The following CCDC85A variants were observed in gnomAD, a reference collection of about 807,000 sequenced individuals.
CCDC85A encodes the protein coiled-coil domain containing 85A.
A neutral mutation model predicts 50.2 loss-of-function variants in CCDC85A; 38 were observed. The ratio of observed to expected loss-of-function variants is 0.76; its 90% CI spans 0.58 to 0.99. The LOEUF (loss-of-function observed/expected upper bound fraction) is 0.99. Ranked by LOEUF, CCDC85A falls within the 50% of genes least tolerant of loss-of-function variation. The pLI is 0.00. For missense variants in CCDC85A, 820 were observed against 742.0 expected, an observed-to-expected ratio of 1.11 and a Z score of -1.22; for synonymous variants, 366 against 301.4, an observed-to-expected ratio of 1.21 and a Z score of -2.22.
At chr2:56,288,847 A>C (rs1359087832) in intron 2 of CCDC85A, among the ~76,000 whole-genome samples, 1 of 152,214 alleles carries the variant, frequency 6.6e-6, no homozygotes, top group Non-Finnish European at 1.5e-5. Context: ...TGGTGTCTAC[A>C]TTAATGGTTC....
intron 3 of CCDC85A, among the ~76,000 whole-genome samples, chr2:56,349,658 G>A (rs1339623442): frequency 6.6e-6 from 1 of 152,022 alleles, no homozygotes; most frequent in Non-Finnish European, 1.5e-5. Flanking sequence ...GAGAATATAG[G>A]TGAAAGGGAA....
chr2:56,296,034 A>G (rs575349411), intron 2 of CCDC85A, among the ~76,000 whole-genome samples: 1 of 152,366 alleles, frequency 6.6e-6, no homozygotes, highest in South Asian at 2.1e-4. Context: ...AAATGAAAAA[A>G]GAAGTCAGTT....
intron 2 of CCDC85A, among the ~76,000 whole-genome samples, chr2:56,218,076 C>G (rs141307107): frequency 0.011 from 1,689 of 151,700 alleles, 19 homozygotes; most frequent in Non-Finnish European, 0.014. Context: ...TGCTCAGAAA[C>G]CAAAACAAAA....
In CCDC85A at chr2:56,342,617, T is replaced by C. The variant is rs554562696; in HGVS notation, c.1241-262T>C. 2.5e-3 allele frequency among the ~76,000 whole-genome samples: 386 copies of C among 152,346 alleles called. 3 individuals are homozygous for C. Among genetic ancestry groups the C allele is most frequent in the Non-Finnish European group, 4.2e-3 (289 of 68,024 alleles). On this transcript the variant is annotated intron_variant, in intron 2 of 5. Coordinates refer to ENST00000407595, the MANE Select transcript of CCDC85A (RefSeq NM_001080433.2). ...GTTCTGTATAGAATCTTAATACTAA[T>C]CGTCAATTGTGTGTACTACCACCTG... is the stretch of plus-strand genomic sequence containing the variant.
At chr2:56,204,588 C>T (rs1051603062) in intron 2 of CCDC85A, among the ~76,000 whole-genome samples, 2 of 152,154 alleles carry the variant, frequency 1.3e-5, no homozygotes, top group Non-Finnish European at 2.9e-5. Context: ...ATTAATCTAC[C>T]TGTATGTCTA....
chr2:56,256,913 T>G (rs1456792174), intron 2 of CCDC85A, among the ~76,000 whole-genome samples: 1 of 152,216 alleles, frequency 6.6e-6, no homozygotes, highest in Non-Finnish European at 1.5e-5. Context: ...TTGAAGGTTT[T>G]AAAAATAACT....
chr2:56,214,080 C>A (rs1035472892), intron 2 of CCDC85A, among the ~76,000 whole-genome samples: 2 of 151,790 alleles, frequency 1.3e-5, no homozygotes, highest in Admixed American at 1.3e-4. Context: ...CAAGACTACA[C>A]GGATAAGTAC....
At chr2:56,363,286 C>A (rs527591184) in intron 3 of CCDC85A, among the ~76,000 whole-genome samples, 1 of 152,226 alleles carries the variant, frequency 6.6e-6, no homozygotes, top group South Asian at 2.1e-4. Context: ...AGAGATATTA[C>A]TACTACCAAT....
At chr2:56,267,501 T>C (rs900487614) in intron 2 of CCDC85A, among the ~76,000 whole-genome samples, 4 of 152,224 alleles carry the variant, frequency 2.6e-5, no homozygotes, top group Non-Finnish European at 4.4e-5. Context: ...ATTTGGTATA[T>C]TCAACATAGT....
chr2:56,284,100 A>C (rs1283898307), intron 2 of CCDC85A, among the ~76,000 whole-genome samples: 1 of 151,576 alleles, frequency 6.6e-6, no homozygotes, highest in Non-Finnish European at 1.5e-5. Flanking sequence ...TTTCCCTGTG[A>C]TTTTTTTCTT....
At chr2:56,261,737 G>C (rs1670228056) in intron 2 of CCDC85A, among the ~76,000 whole-genome samples, 1 of 152,210 alleles carries the variant, frequency 6.6e-6, no homozygotes, top group Admixed American at 6.5e-5. Context: ...CCTGGATGCT[G>C]AGGAGGGTGA....
chr2:56,332,719 C>T (rs1386009779), intron 2 of CCDC85A, among the ~76,000 whole-genome samples: 1 of 142,914 alleles, frequency 7.0e-6, no homozygotes, highest in Non-Finnish European at 1.5e-5. Flanking sequence ...CCCTGCTCTA[C>T]CTTTTTGAGC....
intron 2 of CCDC85A, among the ~76,000 whole-genome samples, chr2:56,215,809 C>T (rs565220553): frequency 6.6e-6 from 1 of 151,792 alleles, no homozygotes; most frequent in African/African-American, 2.4e-5. Context: ...GCCAGTAGGC[C>T]ACATTTAGCC....
intron 2 of CCDC85A, among the ~76,000 whole-genome samples, chr2:56,306,037 A>G (rs1026948949): frequency 6.6e-6 from 1 of 152,230 alleles, no homozygotes; most frequent in Non-Finnish European, 1.5e-5. Flanking sequence ...AAGTGCCAGA[A>G]CTATGCTAAG....
At chr2:56,321,492 CTAA>C (rs1673182092) in intron 2 of CCDC85A, among the ~76,000 whole-genome samples, 2 of 152,076 alleles carry the variant, frequency 1.3e-5, no homozygotes, top group South Asian at 4.1e-4. Context: ...TTCCTATGCA[CTAA>C]TAACAGACAA....
intron 2 of CCDC85A, among the ~76,000 whole-genome samples, chr2:56,316,580 A>G (rs1672932420): frequency 6.6e-6 from 1 of 151,848 alleles, no homozygotes; most frequent in Admixed American, 6.6e-5. Flanking sequence ...TTAGTACTCG[A>G]AAAAACTCAC....
intron 2 of CCDC85A, among the ~76,000 whole-genome samples, chr2:56,228,279 T>A (rs920179695): frequency 1.3e-5 from 2 of 151,912 alleles, no homozygotes; most frequent in African/African-American, 4.8e-5. Context: ...TGTATACATA[T>A]GTAACAAACC....
chr2:56,341,904 G>GA (rs1365650839), intron 2 of CCDC85A, among the ~76,000 whole-genome samples: 1 of 151,768 alleles, frequency 6.6e-6, no homozygotes, highest in Non-Finnish European at 1.5e-5. Flanking sequence ...TTTGTGAAAA[G>GA]AACAAATATT....
intron 2 of CCDC85A, among the ~76,000 whole-genome samples, chr2:56,268,947 C>T (rs1670579130): frequency 6.6e-6 from 1 of 152,152 alleles, no homozygotes; most frequent in African/African-American, 2.4e-5. Context: ...TTTAGGATTG[C>T]TGTCAAATTT....
Sources: allele counts gnomAD v4.1 joint callset (sites outside exome capture counted in the v4.1 genomes callset), GRCh38; gene constraint gnomAD v4.1.1; transcripts MANE v1.5; gene names NCBI Gene and HGNC (gene_info 2026-07-23, HGNC 2026-07-21).